ANKRD11: variants seen among roughly 807,000 people sequenced by gnomAD.
The protein encoded by ANKRD11 is ankyrin repeat domain 11.
In ANKRD11, 17 loss-of-function variants were observed where a neutral mutation model predicts 195.7. That is an observed-to-expected ratio of 0.09 (90% CI 0.06 to 0.13). The LOEUF is 0.13. Ranked by LOEUF, ANKRD11 falls within the 10% of genes least tolerant of loss-of-function variation. The pLI is 1.00. For synonymous variants in ANKRD11, 1,953 were observed against 1,528.1 expected (o/e 1.28, Z -6.49); for missense variants, 3,735 against 3,566.1 (o/e 1.05, Z -1.21).
intron 2 of ANKRD11, among the ~76,000 whole-genome samples, chr16:89,346,694 C>T (rs897275730): frequency 6.6e-6 from 1 of 152,102 alleles, no homozygotes; most frequent in African/African-American, 2.4e-5. Context: ...TTGGAAATGA[C>T]AGAGATGCTA....
Position 89,290,736 on chromosome 16 carries a change from T to G in ANKRD11, c.490A>C (p.Arg164=), listed in dbSNP as rs2035008405. 1.2e-6 allele frequency: 2 copies of G among 1,614,024 alleles called. No individual in the cohort carries two copies. Among genetic ancestry groups the G allele is most frequent in the Non-Finnish European group, 8.5e-7 (1 of 1,179,996 alleles). ...AGGCGGGTCTCTCCACGCTCGTTTC[T>G]CTTGTTCACTTTATCTTTGGTTTTT... The part of the protein sequence containing the change: ...ASKTKDKVNK[R]NERGETRLHR... The change falls in exon 6 of 13, where the codon AGA becomes CGA. Residue 164 remains arginine (R), a synonymous_variant. Coordinates refer to ENST00000301030, the MANE Select transcript of ANKRD11 (RefSeq NM_013275.6).
intron 11 of ANKRD11, chr16:89,272,754 G>C (rs549359023): frequency 2.0e-5 from 3 of 152,276 alleles, no homozygotes; most frequent in Admixed American, 6.5e-5. Context: ...GCTAAGGCTT[G>C]TGTCCATCAA....
At chr16:89,349,921 C>T (rs2039132829) in intron 2 of ANKRD11, among the ~76,000 whole-genome samples, 1 of 137,574 alleles carries the variant, frequency 7.3e-6, no homozygotes, top group East Asian at 2.1e-4. Context: ...CATATTCAAA[C>T]AACAAATAGC....
intron 4 of ANKRD11, among the ~76,000 whole-genome samples, chr16:89,303,761 A>AC (rs1793201076): frequency 1.3e-5 from 2 of 152,200 alleles, no homozygotes; most frequent in Admixed American, 6.5e-5. Flanking sequence ...GCAGCCACAC[A>AC]ATCATAAAGG....
intron 7 of ANKRD11, chr16:89,287,177 G>A (rs979454490): frequency 2.5e-6 from 3 of 1,178,186 alleles, no homozygotes; most frequent in African/African-American, 1.6e-5. Context: ...GCTGCTTAGG[G>A]GCCACCACAC....
At chr16:89,412,742 G>A (rs952774162) in intron 2 of ANKRD11, among the ~76,000 whole-genome samples, 2 of 152,070 alleles carry the variant, frequency 1.3e-5, no homozygotes, top group African/African-American at 2.4e-5. Flanking sequence ...TGTAAAAAAT[G>A]ATGGTATTAA....
intron 2 of ANKRD11, among the ~76,000 whole-genome samples, chr16:89,413,974 G>A (rs906495078): frequency 2.0e-5 from 3 of 152,090 alleles, no homozygotes; most frequent in Non-Finnish European, 4.4e-5. Flanking sequence ...AACAGCAAGC[G>A]GAGGGGGCTC....
chr16:89,476,950 G>C (rs2057279365), intron 1 of ANKRD11, among the ~76,000 whole-genome samples: 1 of 152,208 alleles, frequency 6.6e-6, no homozygotes, highest in Non-Finnish European at 1.5e-5. Context: ...ACATGATATG[G>C]TAACAATCTA....
In ANKRD11 at chr16:89,284,697, C is replaced by G. The variant is rs774397190; in HGVS notation, c.1845G>C (p.Ala615=). The change falls in exon 9 of 13, where the codon GCG becomes GCC. Residue 615 remains alanine, a synonymous_variant. Coordinates refer to ENST00000301030, the MANE Select transcript of ANKRD11 (RefSeq NM_013275.6). ...TGTCCAGTTTGGGGACAGCGCCCTC[C>G]GCGCTGGACAGGAAGGGGCTCTTCT... ...SEKKSPFLSS[A]EGAVPKLDKE... The G allele has an allele frequency of 1.2e-6, 2 of 1,613,982 alleles. No homozygotes were observed. The highest frequency in any genetic ancestry group is 2.2e-5 in the South Asian group (2 of 91,082).
At chr16:89,356,366 G>A (rs1026470151) in intron 2 of ANKRD11, among the ~76,000 whole-genome samples, 1 of 151,928 alleles carries the variant, frequency 6.6e-6, no homozygotes, top group East Asian at 1.9e-4. Flanking sequence ...TGATCCATCA[G>A]CCAACCCTGC....
At chr16:89,324,253 G>A in intron 2 of ANKRD11, 1 of 1,222,276 alleles carries the variant, frequency 8.2e-7, no homozygotes, top group African/African-American at 1.6e-5. Context: ...CTTGGTCACT[G>A]GGCTGTGGAA....
intron 1 of ANKRD11, among the ~76,000 whole-genome samples, chr16:89,482,747 G>C: frequency 6.6e-6 from 1 of 152,172 alleles, no homozygotes; most frequent in Non-Finnish European, 1.5e-5. Flanking sequence ...AGCCTTGATT[G>C]TGCCACTGCA....
intron 1 of ANKRD11, among the ~76,000 whole-genome samples, chr16:89,476,746 C>T (rs72803389): frequency 6.6e-6 from 1 of 152,186 alleles, no homozygotes. Context: ...AGATGGGGGC[C>T]CAAGGCCCAC....
chr16:89,488,117 T>C (rs2057682039), intron 1 of ANKRD11, among the ~76,000 whole-genome samples: 1 of 152,206 alleles, frequency 6.6e-6, no homozygotes, highest in African/African-American at 2.4e-5. Context: ...TTGTGTTATG[T>C]ATATTTTACT....
At chr16:89,459,766 G>A (rs1050307877) in intron 1 of ANKRD11, among the ~76,000 whole-genome samples, 1 of 151,974 alleles carries the variant, frequency 6.6e-6, no homozygotes, top group Non-Finnish European at 1.5e-5. Context: ...CCAGCCCCAT[G>A]TCTACAAACA....
At chr16:89,371,433 T>C (rs1216457271) in intron 2 of ANKRD11, among the ~76,000 whole-genome samples, 1 of 152,190 alleles carries the variant, frequency 6.6e-6, no homozygotes, top group Non-Finnish European at 1.5e-5. Flanking sequence ...GCTCGGTGCA[T>C]GGAGGCCAGA....
chr16:89,403,406 C>G (rs532478218), intron 2 of ANKRD11, among the ~76,000 whole-genome samples: 1 of 152,160 alleles, frequency 6.6e-6, no homozygotes, highest in East Asian at 1.9e-4. Flanking sequence ...AGAGCACACG[C>G]AGGTGAGGGC....
intron 9 of ANKRD11, 108 bp from the exon 10 acceptor site, chr16:89,275,299 G>T: frequency 1.1e-6 from 1 of 939,926 alleles, no homozygotes; most frequent in Non-Finnish European, 1.6e-6. Flanking sequence ...ACTCCTAGGA[G>T]CCTGCCCTGG....
intron 2 of ANKRD11, 40 bp downstream of exon 2, chr16:89,418,244 A>C (rs1377526872): frequency 1.6e-5 from 7 of 450,578 alleles, no homozygotes; most frequent in Non-Finnish European, 2.7e-5. Flanking sequence ...CAAATCAATG[A>C]CAAAAACATA....
Sources: gnomAD v4.1 joint callset for allele counts (sites outside exome capture counted in the v4.1 genomes callset) on GRCh38, gnomAD v4.1.1 for gene constraint, MANE v1.5 for transcripts, NCBI Gene and HGNC (gene_info 2026-07-23, HGNC 2026-07-21) for gene names.